The following ANKFN1 variants were observed in gnomAD, a reference collection of about 807,000 sequenced individuals.
ANKFN1 encodes the protein ankyrin repeat and fibronectin type III domain containing 1, also known as ankyrin repeat and fibronectin type-III domain-containing protein 1.
Under a neutral mutation model 108.7 loss-of-function variants are expected in ANKFN1, and 74 were observed. The observed-to-expected ratio is 0.68, with a 90% CI of 0.56 to 0.83. The LOEUF (loss-of-function observed/expected upper bound fraction) is 0.83, where lower values mean the gene tolerates loss of function less well. Ranked by LOEUF, ANKFN1 falls within the 40% of genes least tolerant of loss-of-function variation. ANKFN1 has a pLI of 0.00. For missense variants in ANKFN1, 1,505 were observed against 1,382.3 expected (o/e 1.09, Z -1.41); for synonymous variants, 547 against 516.2 (o/e 1.06, Z -0.81).
chr17:56,396,910 A>G (rs1160730202), intron 8 of ANKFN1, among the ~76,000 whole-genome samples: 3 of 152,130 alleles, frequency 2.0e-5, no homozygotes, highest in African/African-American at 7.2e-5. Flanking sequence ...AGTTTCTAAT[A>G]GTTTCTTCCC....
intron 8 of ANKFN1, among the ~76,000 whole-genome samples, chr17:56,422,028 T>G (rs1292910328): frequency 6.6e-6 from 1 of 152,198 alleles, no homozygotes; most frequent in Non-Finnish European, 1.5e-5. Flanking sequence ...CTCTCATGGG[T>G]GAAATGATGA....
chr17:56,128,650 G>A (rs1006775751), intron 4 of ANKFN1, among the ~76,000 whole-genome samples: 5 of 152,144 alleles, frequency 3.3e-5, no homozygotes, highest in Admixed American at 2.6e-4. Flanking sequence ...CCTAATGTTT[G>A]CACTGGGGCA....
chr17:56,121,903 G>A (rs1161928392), intron 4 of ANKFN1, among the ~76,000 whole-genome samples: 1 of 152,190 alleles, frequency 6.6e-6, no homozygotes, highest in African/African-American at 2.4e-5. Flanking sequence ...TCATGACAAA[G>A]TTAGACATTC....
intron 6 of ANKFN1, among the ~76,000 whole-genome samples, chr17:56,359,872 A>G (rs1309948594): frequency 6.6e-6 from 1 of 152,146 alleles, no homozygotes; most frequent in Non-Finnish European, 1.5e-5. Flanking sequence ...TTGCTCCAAC[A>G]GTGCTGCCAT....
intron 8 of ANKFN1, 54 bp from the exon 9 acceptor site, chr17:56,440,273 A>C: frequency 1.7e-6 from 2 of 1,155,380 alleles, no homozygotes; most frequent in Non-Finnish European, 2.6e-6. Flanking sequence ...TTGATGTGTG[A>C]CTGAATTTTA....
chr17:56,380,261 C>T (rs548329835), intron 8 of ANKFN1, among the ~76,000 whole-genome samples: 1 of 152,282 alleles, frequency 6.6e-6, no homozygotes, highest in African/African-American at 2.4e-5. Context: ...AGTTGCGGGA[C>T]AGTAGAAGAG....
chr17:56,485,040 T>C (rs909643442), intron 18 of ANKFN1, among the ~76,000 whole-genome samples: 14 of 152,224 alleles, frequency 9.2e-5, no homozygotes, highest in Admixed American at 7.2e-4. Flanking sequence ...TTCTATAATT[T>C]GGTGAAGTCT....
At chr17:56,495,041 A>G (rs573528219) in intron 19 of ANKFN1, among the ~76,000 whole-genome samples, 3 of 152,176 alleles carry the variant, frequency 2.0e-5, no homozygotes, top group South Asian at 4.2e-4. Flanking sequence ...CCAGGCTGGG[A>G]ATTCTTCAAA....
chr17:56,086,043 ATAAT>A lies in ANKFN1; in HGVS notation c.288+39720_288+39723del, dbSNP rs564839450. Among the ~76,000 whole-genome samples the A allele has an allele frequency of 2.3e-3, 346 of 151,206 alleles. 12 individuals carry two copies. Among genetic ancestry groups the A allele is most frequent in the Admixed American group, 3.8e-3 (57 of 15,182 alleles). The stretch of plus-strand genomic sequence containing the variant: ...AGCATTAAATAAATAATTAGAATAA[ATAAT>A]TCTAAATAAAATTTAGAATTTAATA... On this transcript the variant is annotated intron_variant, in intron 4 of 12. Coordinates refer to the ANKFN1 transcript ENST00000635860.
At chr17:56,313,737 T>C (rs533529417) in intron 3 of ANKFN1, among the ~76,000 whole-genome samples, 10 of 152,338 alleles carry the variant, frequency 6.6e-5, no homozygotes, top group South Asian at 4.1e-4. Context: ...GATCTTCCAA[T>C]TTCTCTGTAA....
intron 2 of ANKFN1, among the ~76,000 whole-genome samples, chr17:56,227,145 A>G (rs1489218117): frequency 3.3e-5 from 5 of 152,158 alleles, no homozygotes; most frequent in African/African-American, 1.2e-4. Flanking sequence ...CATATCAATC[A>G]TAGGGACTTT....
Position 56,235,386 on chromosome 17 carries a change from C to T in ANKFN1, c.53+7429C>T, listed in dbSNP as rs533275969. Among the ~76,000 whole-genome samples the T allele has an allele frequency of 1.3e-4, 20 of 152,214 alleles. No individual in the cohort carries two copies. The South Asian group carries it at 1.5e-3, about 11-fold the overall frequency. ...GATCCCATTTGTCAACTTTTGCTTG[C>T]GTTGCAATTACTTTTGGCATCTTCA... On this transcript the variant is annotated intron_variant, in intron 3 of 20. Transcript: ENST00000682825.
At chr17:56,202,221 T>A (rs1197922603) in intron 1 of ANKFN1, among the ~76,000 whole-genome samples, 1 of 152,224 alleles carries the variant, frequency 6.6e-6, no homozygotes, top group Non-Finnish European at 1.5e-5. Context: ...GTAAATTATA[T>A]AATCAGCAAT....
At position 56,063,151 on chromosome 17, in the gene ANKFN1, C is replaced by T. The variant is rs890732675; in HGVS notation, c.288+16826C>T. Among the ~76,000 whole-genome samples, 7 of 152,114 alleles carry T rather than the reference C, an allele frequency of 4.6e-5. No homozygotes were observed. In the East Asian group the frequency reaches 9.7e-4, roughly 21 times the overall value. On this transcript the variant is annotated intron_variant, in intron 4 of 12. Coordinates refer to the ANKFN1 transcript ENST00000635860. ...TGACGTGGCCTTTCTCTCAGGCTGCCCTTAATATTTTTCTCAGGCTGCCCT... is the reference window on the plus strand; with the variant it reads ...TGACGTGGCCTTTCTCTCAGGCTGCTCTTAATATTTTTCTCAGGCTGCCCT...
chr17:56,485,246 G>A (rs1043549678), intron 18 of ANKFN1, among the ~76,000 whole-genome samples: 7 of 152,188 alleles, frequency 4.6e-5, no homozygotes, highest in Admixed American at 3.9e-4. Flanking sequence ...GTAAATATCA[G>A]AGAAGTGAAG....
chr17:56,403,784 T>G (rs999775411), intron 8 of ANKFN1, among the ~76,000 whole-genome samples: 4 of 152,194 alleles, frequency 2.6e-5, no homozygotes, highest in African/African-American at 9.6e-5. Flanking sequence ...TTTAAAGAGC[T>G]TCTGTTTTGA....
intron 1 of ANKFN1, among the ~76,000 whole-genome samples, chr17:56,173,233 G>T: frequency 6.6e-6 from 1 of 152,142 alleles, no homozygotes. Context: ...TCACTCTTGG[G>T]CTCTGCCACT....
intron 1 of ANKFN1, among the ~76,000 whole-genome samples, chr17:56,201,843 A>G (rs778207713): frequency 2.0e-5 from 3 of 152,228 alleles, no homozygotes; most frequent in African/African-American, 7.2e-5. Context: ...GAAAAACTAA[A>G]TAGGAGACCA....
rs1555589520 is a variant in ANKFN1 at position 56,062,573 on chromosome 17, T to TTTTTTTTTTTTTTTTTTTC, written c.288+16248_288+16249insTTTTTTTTTTTTTTTTTTC. Reference sequence around the variant, plus strand: ...TGTAATCTCTGCTTTTTTTTTTTTTTCTTTCCATTTGCTTGGTAAATTTTC... The same window carrying TTTTTTTTTTTTTTTTTTTC: ...TGTAATCTCTGCTTTTTTTTTTTTTTTTTTTTTTTTTTTTTTTTCCTTTCCATTTGCTTGGTAAATTTTC... On this transcript the variant is annotated intron_variant, in intron 4 of 12. Coordinates refer to the ANKFN1 transcript ENST00000635860. Among the ~76,000 whole-genome samples, 74 of 145,170 alleles carry TTTTTTTTTTTTTTTTTTTC rather than the reference T, an allele frequency of 5.1e-4. 2 individuals are homozygous for TTTTTTTTTTTTTTTTTTTC. The highest frequency in any genetic ancestry group is 2.0e-3 in the African/African-American group (71 of 35,276).
Sources: gnomAD v4.1 joint callset for allele counts (sites outside exome capture counted in the v4.1 genomes callset) on GRCh38, gnomAD v4.1.1 for gene constraint, MANE v1.5 for transcripts, NCBI Gene and HGNC (gene_info 2026-07-23, HGNC 2026-07-21) for gene names.